The following CDKN2B-AS1 variants were observed in gnomAD, a reference collection of about 807,000 sequenced individuals.
CDKN2B-AS1 encodes the protein CDKN2B antisense RNA 1 (non-protein coding).
intron 1 of CDKN2B-AS1, among the ~76,000 whole-genome samples, chr9:22,008,053 C>A (rs1263692435): frequency 6.6e-6 from 1 of 152,056 alleles, no homozygotes; most frequent in East Asian, 1.9e-4. Flanking sequence ...TAAAAAATAT[C>A]AGTACTAATT....
chr9:22,127,500 G>A (rs1030627573), exon 5 of CDKN2B-AS1, among the ~76,000 whole-genome samples: 21 of 152,328 alleles, frequency 1.4e-4, no homozygotes, highest in Non-Finnish European at 2.9e-4. Context: ...TAGAACGATA[G>A]TGAGCTTACA....
intron 4 of CDKN2B-AS1, among the ~76,000 whole-genome samples, chr9:22,123,936 C>T (rs1826141404): frequency 6.6e-6 from 1 of 152,156 alleles, no homozygotes. Flanking sequence ...CGCTGAATAA[C>T]CATTTACTGA....
chr9:22,097,917 T>C (rs1024795129), intron 4 of CDKN2B-AS1, among the ~76,000 whole-genome samples: 3 of 152,230 alleles, frequency 2.0e-5, no homozygotes, highest in Non-Finnish European at 4.4e-5. Flanking sequence ...AGTTTCTTTG[T>C]GGTTCCCTTT....
chr9:22,023,850 T>A lies in CDKN2B-AS1; in HGVS notation n.30-22901T>A, dbSNP rs114726008. Reference sequence around the variant, plus strand: ...AAGCTCCTGCAATGCTTTATTAGAATTTTTAGTTCCTTTGCATTTTGTTAC... The same window carrying A: ...AAGCTCCTGCAATGCTTTATTAGAAATTTTAGTTCCTTTGCATTTTGTTAC... On this transcript the variant is annotated intron_variant and non_coding_transcript_variant, in intron 1 of 4. Coordinates refer to ENST00000650946, the Ensembl canonical transcript of CDKN2B-AS1. 5.3e-3 allele frequency among the ~76,000 whole-genome samples: 804 copies of A among 152,322 alleles called. 6 individuals carry two copies. Among genetic ancestry groups the A allele is most frequent in the African/African-American group, 0.018 (762 of 41,574 alleles).
chr9:22,040,602 A>G lies in CDKN2B-AS1; in HGVS notation n.30-6149A>G, dbSNP rs541844727. Among the ~76,000 whole-genome samples, 15 of 152,082 alleles carry G rather than the reference A, an allele frequency of 9.9e-5. No homozygotes were observed. The South Asian group carries it at 3.1e-3, about 32-fold the overall frequency. On this transcript the variant is annotated intron_variant and non_coding_transcript_variant, in intron 1 of 4. Coordinates refer to ENST00000650946, the Ensembl canonical transcript of CDKN2B-AS1. ...CAGATTGTTCATGTGTATGGATTCC[A>G]TCTTCTGAGGAATGAACTCCTTGAT... is the stretch of plus-strand genomic sequence containing the variant.
At position 22,000,229 on chromosome 9, in the gene CDKN2B-AS1, A is replaced by G. The variant is rs566215981; in HGVS notation, n.29+5068A>G. Among the ~76,000 whole-genome samples the G allele has an allele frequency of 4.6e-5, 7 of 152,274 alleles. No individual in the cohort carries two copies. The South Asian group carries it at 1.4e-3, about 32-fold the overall frequency. Reference sequence around the variant, plus strand: ...TTGAGAAACAATTTTCTGAAATGGAAGGGGTTTTAAACTTGTTGTCCTCAA... The same window carrying G: ...TTGAGAAACAATTTTCTGAAATGGAGGGGGTTTTAAACTTGTTGTCCTCAA... On this transcript the variant is annotated intron_variant and non_coding_transcript_variant, in intron 1 of 4. Coordinates refer to ENST00000650946, the Ensembl canonical transcript of CDKN2B-AS1. This position sits in a 1 kb window ranked among gnomAD's most constrained non-coding sequence, Gnocchi z 4.1.
rs142812460 is a variant in CDKN2B-AS1, at chr9:22,080,009, C to A, written n.438+23622C>A. Among the ~76,000 whole-genome samples, 304 of 152,306 alleles carry A rather than the reference C, an allele frequency of 2.0e-3. 2 individuals carry two copies. The highest frequency in any genetic ancestry group is 7.0e-3 in the African/African-American group (290 of 41,572). On this transcript the variant is annotated intron_variant and non_coding_transcript_variant, in intron 4 of 4. Transcript: ENST00000650946. Reference sequence around the variant, plus strand: ...GAATCTGCCTGTTCATCAAAGGAGGCCAGACAGGAGGTGAGAAAAACCAGG... The same window carrying A: ...GAATCTGCCTGTTCATCAAAGGAGGACAGACAGGAGGTGAGAAAAACCAGG...
At chr9:22,119,154 A>G (rs1469629700) in intron 4 of CDKN2B-AS1, 1 of 151,420 alleles carries the variant, frequency 6.6e-6, no homozygotes, top group Non-Finnish European at 1.5e-5. Context: ...GTCTTGTAGG[A>G]TTATTGTGAG....
At chr9:22,019,589 C>G (rs1330635774) in intron 1 of CDKN2B-AS1, among the ~76,000 whole-genome samples, 1 of 152,032 alleles carries the variant, frequency 6.6e-6, no homozygotes, top group Non-Finnish European at 1.5e-5. Flanking sequence ...TCAGGTTCAG[C>G]AAAACTGAAC....
chr9:22,051,910 A>G (rs192949361), intron 3 of CDKN2B-AS1, among the ~76,000 whole-genome samples: 2 of 152,138 alleles, frequency 1.3e-5, no homozygotes, highest in Non-Finnish European at 2.9e-5. Flanking sequence ...GCTGCTAGGA[A>G]GTTTTTCTTG....
chr9:22,106,201 G>T (rs958926204), intron 4 of CDKN2B-AS1, among the ~76,000 whole-genome samples: 1 of 152,138 alleles, frequency 6.6e-6, no homozygotes, highest in Non-Finnish European at 1.5e-5. Context: ...TCCTGCCTCA[G>T]CCTCCTGAGT....
At chr9:22,070,578 A>G (rs1050186614) in intron 4 of CDKN2B-AS1, among the ~76,000 whole-genome samples, 1 of 152,150 alleles carries the variant, frequency 6.6e-6, no homozygotes, top group Non-Finnish European at 1.5e-5. Context: ...ACAAGGAAGG[A>G]TAGGGCGTCC....
At chr9:22,113,840 A>C (rs1825866899) in intron 4 of CDKN2B-AS1, 1 of 152,236 alleles carries the variant, frequency 6.6e-6, no homozygotes, top group Admixed American at 6.5e-5. Flanking sequence ...CTATTGGCTG[A>C]AAATTTCAAT....
intron 1 of CDKN2B-AS1, among the ~76,000 whole-genome samples, chr9:22,013,352 CTG>C (rs1299807891): frequency 1.3e-5 from 2 of 152,150 alleles, no homozygotes; most frequent in Non-Finnish European, 2.9e-5. Flanking sequence ...TCTTTTTAAA[CTG>C]TTATTAATAA....
intron 4 of CDKN2B-AS1, among the ~76,000 whole-genome samples, chr9:22,122,222 G>A (rs530909462): frequency 1.3e-5 from 2 of 151,946 alleles, no homozygotes; most frequent in South Asian, 4.1e-4. Context: ...CGTCTGTTCA[G>A]ATCATTTTCC....
At chr9:22,104,278 G>A (rs1563984120) in intron 4 of CDKN2B-AS1, among the ~76,000 whole-genome samples, 1 of 152,340 alleles carries the variant, frequency 6.6e-6, no homozygotes, top group East Asian at 1.9e-4. Flanking sequence ...CAGGCACCTA[G>A]ATGGCATGCT....
chr9:22,009,841 T>A (rs1283843326), intron 1 of CDKN2B-AS1, among the ~76,000 whole-genome samples: 4 of 152,244 alleles, frequency 2.6e-5, no homozygotes, highest in Non-Finnish European at 5.9e-5. Flanking sequence ...CTGTTTGAAT[T>A]AGTCAACCAT....
At chr9:22,010,658 A>G (rs1241609220) in intron 1 of CDKN2B-AS1, among the ~76,000 whole-genome samples, 1 of 152,246 alleles carries the variant, frequency 6.6e-6, no homozygotes, top group Non-Finnish European at 1.5e-5. Context: ...GAGCCTCAAC[A>G]GAGCTGAAAT....
rs1045822977 is a variant in CDKN2B-AS1 at position 21,997,198 on chromosome 9, C to T, written n.29+2037C>T. 5.9e-5 allele frequency among the ~76,000 whole-genome samples: 9 copies of T among 152,144 alleles called. No individual in the cohort carries two copies. The highest frequency in any genetic ancestry group is 3.9e-4 in the Admixed American group (6 of 15,268). On this transcript the variant is annotated intron_variant and non_coding_transcript_variant, in intron 1 of 4. Transcript: ENST00000650946. The surrounding 1 kb of genome is among the most constrained non-coding windows in gnomAD (Gnocchi z 4.8). The stretch of plus-strand genomic sequence containing the variant: ...CAAACCTTTACAACATGTTACTATA[C>T]TGAATACTGTAGATAATTGTAACAA...
Sources: gnomAD v4.1 joint callset for allele counts (sites outside exome capture counted in the v4.1 genomes callset) on GRCh38, gnomAD v4.1.1 for gene constraint, Gnocchi (gnomAD v3.1) non-coding constraint, MANE v1.5 for transcripts, NCBI Gene and HGNC (gene_info 2026-07-23, HGNC 2026-07-21) for gene names.